Variants in TRPC3 observed in about 807,000 individuals in gnomAD.
TRPC3 encodes short transient receptor potential channel 3.
TRPC3 carries 54 observed loss-of-function variants against 90.9 expected under a neutral mutation model. The observed-to-expected ratio is 0.59, with a 90% CI of 0.48 to 0.75. TRPC3 has a LOEUF of 0.75. Ranked by LOEUF, TRPC3 falls within the 30% of genes least tolerant of loss-of-function variation. The pLI is 0.00. For missense variants in TRPC3, 918 were observed against 1,194.5 expected (o/e 0.77, Z 3.41); for synonymous variants, 424 against 450.9 (o/e 0.94, Z 0.75).
At chr4:121,882,518 G>T in intron 10 of TRPC3, 89 bp from the exon 11 acceptor site, 1 of 1,249,480 alleles carries the variant, frequency 8.0e-7, no homozygotes, top group Non-Finnish European at 1.1e-6. Flanking sequence ...TACCTGTAAA[G>T]CAAACAACTC....
intron 1 of TRPC3, chr4:121,950,535 T>A (rs1436053429): frequency 6.6e-6 from 1 of 152,290 alleles, no homozygotes; most frequent in African/African-American, 2.4e-5. Flanking sequence ...ACAGAGCATC[T>A]CACCCTGTGA....
chr4:121,896,362 G>T (rs1389683203), intron 10 of TRPC3, among the ~76,000 whole-genome samples: 1 of 152,104 alleles, frequency 6.6e-6, no homozygotes, highest in Non-Finnish European at 1.5e-5. Context: ...TGGAAAGGAG[G>T]AAGTCAAATT....
At chr4:121,931,357 CAA>C (rs953754176) in intron 2 of TRPC3, among the ~76,000 whole-genome samples, 1 of 152,050 alleles carries the variant, frequency 6.6e-6, no homozygotes, top group African/African-American at 2.4e-5. Context: ...AAATGGGAGA[CAA>C]GAAGCTGCCA....
At position 121,951,425 on chromosome 4, in the gene TRPC3, C is replaced by A; in HGVS notation, c.215+41G>T. ...CGCCTTCCCGCCCCCCGCCCGGCAC[C>A]GCCCTCCGAGGCGCGGGCCGCGGCC... On this transcript the variant is annotated intron_variant, in intron 1 of 11. Coordinates refer to ENST00000379645, the MANE Select transcript of TRPC3 (RefSeq NM_001130698.2). This position sits in a 1 kb window ranked among gnomAD's most constrained non-coding sequence, Gnocchi z 4.4. 1.0e-5 allele frequency: 12 copies of A among 1,168,608 alleles called. No homozygotes were observed. Among genetic ancestry groups the A allele is most frequent in the Non-Finnish European group, 1.2e-5 (11 of 945,670 alleles). 72.4% of individuals were successfully genotyped at this position (1,168,608 alleles called of 1,614,324 possible). A position where few individuals can be genotyped will look rare whatever the true frequency, so the allele number is the denominator to read the frequency against.
intron 2 of TRPC3, among the ~76,000 whole-genome samples, chr4:121,925,518 G>C (rs1729675000): frequency 6.6e-6 from 1 of 152,196 alleles, no homozygotes; most frequent in Non-Finnish European, 1.5e-5. Flanking sequence ...AGAGGCAGGG[G>C]GCGGGAGTAG....
At chr4:121,886,316 G>A (rs749141523) in intron 10 of TRPC3, among the ~76,000 whole-genome samples, 4 of 152,022 alleles carry the variant, frequency 2.6e-5, no homozygotes, top group Non-Finnish European at 4.4e-5. Flanking sequence ...TTTGTACTAT[G>A]AATTTTAACA....
chr4:121,894,555 G>GTTTTT (rs374034360), intron 10 of TRPC3, among the ~76,000 whole-genome samples: 913 of 63,364 alleles, frequency 0.014, 234 homozygotes, highest in Middle Eastern at 0.022. Flanking sequence ...TACACATTCT[G>GTTTTT]TTTTTTTTTT....
chr4:121,899,199 G>T (rs367628761), intron 10 of TRPC3, among the ~76,000 whole-genome samples: 2 of 152,138 alleles, frequency 1.3e-5, no homozygotes, highest in Non-Finnish European at 2.9e-5. Flanking sequence ...TTAAAAAATG[G>T]ATCACCTGAA....
intron 10 of TRPC3, among the ~76,000 whole-genome samples, chr4:121,895,071 T>A (rs1728473260): frequency 6.6e-6 from 1 of 150,928 alleles, no homozygotes; most frequent in African/African-American, 2.4e-5. Flanking sequence ...GACCAATGAG[T>A]CAAGGAAAAA....
At chr4:121,915,146 T>C (rs1361401901) in intron 3 of TRPC3, among the ~76,000 whole-genome samples, 1 of 152,204 alleles carries the variant, frequency 6.6e-6, no homozygotes, top group Non-Finnish European at 1.5e-5. Flanking sequence ...AATAGAAGAA[T>C]TAGAATGGAA....
rs146544270 is a variant in TRPC3, at chr4:121,913,915, T to C, written c.1341+865A>G. ...ACTGCTGAGCCAGAGAGATGATAGA[T>C]TTCCAGGATCACTTGTAAGTGCCCT... On this transcript the variant is annotated intron_variant, in intron 4 of 11. Coordinates refer to ENST00000379645, the MANE Select transcript of TRPC3 (RefSeq NM_001130698.2). Among the ~76,000 whole-genome samples the C allele has an allele frequency of 9.2e-4, 140 of 152,320 alleles. No homozygotes were observed. In the East Asian group the frequency reaches 0.025, roughly 28 times the overall value.
At chr4:121,939,308 T>G in intron 1 of TRPC3, among the ~76,000 whole-genome samples, 1 of 152,106 alleles carries the variant, frequency 6.6e-6, no homozygotes, top group East Asian at 1.9e-4. Flanking sequence ...TATGAATGAT[T>G]TTGAGGATTT....
chr4:121,909,192 A>G (rs183251966), intron 6 of TRPC3, among the ~76,000 whole-genome samples: 143 of 152,262 alleles, frequency 9.4e-4, no homozygotes, highest in African/African-American at 3.1e-3. Flanking sequence ...CTTGGTATAT[A>G]AAAGTCTTTG....
At chr4:121,944,783 T>C (rs535666815) in intron 1 of TRPC3, among the ~76,000 whole-genome samples, 80 of 152,230 alleles carry the variant, frequency 5.3e-4, no homozygotes, top group Middle Eastern at 3.2e-3. Flanking sequence ...AATGAATTAA[T>C]TGGATTTCAT....
intron 10 of TRPC3, among the ~76,000 whole-genome samples, chr4:121,894,830 G>A (rs72919936): frequency 0.011 from 1,618 of 151,922 alleles, 24 homozygotes; most frequent in African/African-American, 0.038. Flanking sequence ...TTCCAAGGCA[G>A]GTGTGAGCTA....
chr4:121,889,197 G>A (rs1728235048), intron 10 of TRPC3, among the ~76,000 whole-genome samples: 1 of 152,146 alleles, frequency 6.6e-6, no homozygotes, highest in Non-Finnish European at 1.5e-5. Context: ...ACTACTAGAA[G>A]AAAACAGGGG....
At chr4:121,940,365 G>A (rs1473590342) in intron 1 of TRPC3, among the ~76,000 whole-genome samples, 1 of 152,210 alleles carries the variant, frequency 6.6e-6, no homozygotes, top group Non-Finnish European at 1.5e-5. Context: ...CACAGATTGG[G>A]CATTTAATGT....
chr4:121,929,861 G>GA (rs1246583124), intron 2 of TRPC3, among the ~76,000 whole-genome samples: 1 of 150,514 alleles, frequency 6.6e-6, no homozygotes. Flanking sequence ...TTTTCACTAG[G>GA]AAAAAATTTT....
Position 121,907,571 on chromosome 4 carries a change from G to GA in TRPC3, c.1793-5dup. On this transcript the variant is annotated splice_region_variant and splice_polypyrimidine_tract_variant and intron_variant, in intron 6 of 11. Coordinates refer to ENST00000379645, the MANE Select transcript of TRPC3 (RefSeq NM_001130698.2). ...GAAGGGAGCCATTTATCTCTAGCTA[G>GA]AAAAAAGAGAGAAAGAGATTAAAAA... 1 of 1,587,086 alleles carries GA rather than the reference G, an allele frequency of 6.3e-7. No homozygotes were observed. Among genetic ancestry groups the GA allele is most frequent in the Non-Finnish European group, 8.5e-7 (1 of 1,170,058 alleles).
Sources: allele counts gnomAD v4.1 joint callset (sites outside exome capture counted in the v4.1 genomes callset), GRCh38; gene constraint gnomAD v4.1.1; non-coding constraint Gnocchi (gnomAD v3.1); transcripts MANE v1.5; gene names NCBI Gene and HGNC (gene_info 2026-07-23, HGNC 2026-07-21).